Variants in FOCAD observed in about 807,000 individuals in gnomAD.
FOCAD encodes focadhesin.
Under a neutral mutation model 225.6 loss-of-function variants are expected in FOCAD, and 198 were observed. The observed-to-expected ratio is 0.88, with a 90% CI of 0.78 to 0.99. The LOEUF is 0.99. Ranked by LOEUF, FOCAD falls within the 50% of genes least tolerant of loss-of-function variation. FOCAD has a pLI of 0.00. For synonymous variants in FOCAD, 897 were observed against 755.0 expected, an observed-to-expected ratio of 1.19 and a Z score of -3.08; for missense variants, 2,713 against 2,123.6, an observed-to-expected ratio of 1.28 and a Z score of -5.46.
Position 20,684,288 on chromosome 9 carries a change from A to C in FOCAD, c.-38A>C, listed in dbSNP as rs544864483. 2.2e-4 allele frequency: 33 copies of C among 152,366 alleles called. No individual in the cohort carries two copies. Among genetic ancestry groups the C allele is most frequent in the African/African-American group, 7.7e-4 (32 of 41,554 alleles). 9.4% of individuals were successfully genotyped at this position (152,366 alleles called of 1,614,324 possible). On this transcript the variant is annotated 5_prime_UTR_variant, in exon 1 of 44. Coordinates refer to ENST00000338382, the MANE Select transcript of FOCAD (RefSeq NM_001375567.1). ...GGCGCTGGGCTGAGCTTGTGGCAGA[A>C]GGGAGGTAAGCCGTGCGGGGCGGCG...
At chr9:20,949,492 T>G (rs1837489540) in intron 32 of FOCAD, 112 bp from the exon 33 acceptor site, 1 of 769,394 alleles carries the variant, frequency 1.3e-6, no homozygotes. Flanking sequence ...TAGAAGGACA[T>G]AATGATAAAC....
chr9:20,843,985 G>A (rs1450183705), intron 15 of FOCAD, among the ~76,000 whole-genome samples: 3 of 152,060 alleles, frequency 2.0e-5, no homozygotes, highest in Non-Finnish European at 4.4e-5. Flanking sequence ...AGAAATGAAA[G>A]ACAACCTTGG....
chr9:20,825,493 T>G (rs1320924391), intron 15 of FOCAD, among the ~76,000 whole-genome samples: 1 of 152,110 alleles, frequency 6.6e-6, no homozygotes, highest in African/African-American at 2.4e-5. Context: ...TTTAGATCCT[T>G]GACTATCAAA....
At chr9:20,660,640 G>A (rs1587168439) in intron 2 of FOCAD, among the ~76,000 whole-genome samples, 1 of 152,172 alleles carries the variant, frequency 6.6e-6, no homozygotes, top group South Asian at 2.1e-4. Flanking sequence ...ATGGAAGGAA[G>A]ACCAAGATGA....
At chr9:20,787,077 G>A in intron 10 of FOCAD, 3 of 338,108 alleles carry the variant, frequency 8.9e-6, no homozygotes, top group South Asian at 2.4e-5. Context: ...TCTAACCTTA[G>A]GCAAACAAAC....
chr9:20,959,868 C>CTATAATCTATAGATATATAGATTAATT (rs1838542275), intron 35 of FOCAD, among the ~76,000 whole-genome samples: 2 of 152,140 alleles, frequency 1.3e-5, no homozygotes, highest in East Asian at 3.9e-4. Context: ...TTTCTGAGTT[C>CTATAATCTATAGATATATAGATTAATT]TCTGTTCTGA....
At chr9:20,844,928 A>G (rs907033592) in intron 15 of FOCAD, among the ~76,000 whole-genome samples, 2 of 151,846 alleles carry the variant, frequency 1.3e-5, no homozygotes, top group Admixed American at 1.3e-4. Flanking sequence ...GCTTCCTTCT[A>G]TATTTGACAA....
Position 20,981,646 on chromosome 9 carries a change from C to G in FOCAD, c.4598C>G (p.Ala1533Gly), listed in dbSNP as rs1216896063. Residue 1533 changes from alanine to glycine, a missense_variant, in exon 38 of 44, where the codon GCT becomes GGT. Ala to Gly is a moderately conservative substitution (Grantham distance 60). Coordinates refer to ENST00000338382, the MANE Select transcript of FOCAD (RefSeq NM_001375567.1). ...AHHLWSLLSEATGKIFDLLPN... is the reference protein window; with the variant it reads ...AHHLWSLLSEGTGKIFDLLPN... ...CACCTCTGGAGTCTGCTCTCTGAAG[C>G]TACTGGGAAAATTTTTGACCTCCTG... is the stretch of plus-strand genomic sequence containing the variant. 2.5e-6 allele frequency: 4 copies of G among 1,612,196 alleles called. 1 individual carries two copies. Among genetic ancestry groups the G allele is most frequent in the South Asian group, 2.2e-5 (2 of 90,726 alleles).
chr9:20,862,757 A>G (rs780136820), intron 16 of FOCAD, 45 bp downstream of exon 16: 1 of 1,581,372 alleles, frequency 6.3e-7, no homozygotes, highest in African/African-American at 1.4e-5. Flanking sequence ...TTCATGGGAA[A>G]GATGTGTGTT....
chr9:20,847,907 T>C (rs1827276672), intron 15 of FOCAD, among the ~76,000 whole-genome samples: 1 of 152,050 alleles, frequency 6.6e-6, no homozygotes, highest in African/African-American at 2.4e-5. Flanking sequence ...ATAAAATTAA[T>C]TTTAATTATA....
intron 4 of FOCAD, among the ~76,000 whole-genome samples, chr9:20,731,142 G>A (rs543406871): frequency 1.3e-5 from 2 of 152,278 alleles, no homozygotes; most frequent in South Asian, 4.1e-4. Context: ...GGAGGCTGAG[G>A]CAGGAGAATC....
intron 20 of FOCAD, among the ~76,000 whole-genome samples, chr9:20,883,015 G>A (rs1830806691): frequency 6.6e-6 from 1 of 152,162 alleles, no homozygotes. Context: ...ATCAATTCCT[G>A]ATTAGGTTGA....
At chr9:20,979,844 T>C (rs535871501) in intron 37 of FOCAD, among the ~76,000 whole-genome samples, 1 of 152,356 alleles carries the variant, frequency 6.6e-6, no homozygotes, top group East Asian at 1.9e-4. Flanking sequence ...GAAATCAGAC[T>C]TAATTTCTCT....
At chr9:20,661,310 A>G (rs1022889247) in intron 2 of FOCAD, among the ~76,000 whole-genome samples, 1 of 152,224 alleles carries the variant, frequency 6.6e-6, no homozygotes, top group African/African-American at 2.4e-5. Flanking sequence ...TGTCAGCACC[A>G]CTTAAAGATG....
At chr9:20,655,758 T>G (rs1468306937), upstream of FOCAD, among the ~76,000 whole-genome samples, 3 of 152,190 alleles carry the variant, frequency 2.0e-5, no homozygotes, top group Admixed American at 2.0e-4. Context: ...TTGAAGGGTT[T>G]TTTGTGTCTC....
chr9:20,745,926 A>G (rs552167060), intron 5 of FOCAD, among the ~76,000 whole-genome samples: 31 of 152,246 alleles, frequency 2.0e-4, no homozygotes, highest in African/African-American at 6.3e-4. Flanking sequence ...TTGTTCATCT[A>G]TTTGTGTAAT....
intron 35 of FOCAD, among the ~76,000 whole-genome samples, chr9:20,957,151 A>G (rs1838229365): frequency 6.6e-6 from 1 of 152,156 alleles, no homozygotes; most frequent in African/African-American, 2.4e-5. Context: ...GCAACTTCAA[A>G]CTTTCTGGCT....
chr9:20,829,636 C>T (rs984080694), intron 15 of FOCAD, among the ~76,000 whole-genome samples: 2 of 151,986 alleles, frequency 1.3e-5, no homozygotes, highest in East Asian at 1.9e-4. Context: ...GAATTCTGTC[C>T]TGATGCCTCT....
chr9:20,940,682 A>G (rs904699834), intron 28 of FOCAD, among the ~76,000 whole-genome samples: 1 of 152,188 alleles, frequency 6.6e-6, no homozygotes, highest in East Asian at 1.9e-4. Flanking sequence ...AGTTACATCC[A>G]TGTCACAACC....
Sources: allele counts gnomAD v4.1 joint callset (sites outside exome capture counted in the v4.1 genomes callset), GRCh38; gene constraint gnomAD v4.1.1; transcripts MANE v1.5; gene names NCBI Gene and HGNC (gene_info 2026-07-23, HGNC 2026-07-21).